The following NRXN1 variants were observed in gnomAD, a reference collection of about 807,000 sequenced individuals.
NRXN1 encodes the protein neurexin-1.
A neutral mutation model predicts 150.9 loss-of-function variants in NRXN1; 39 were observed. The ratio of observed to expected loss-of-function variants is 0.26; its 90% CI spans 0.20 to 0.34. The LOEUF (loss-of-function observed/expected upper bound fraction) is 0.34, where lower values mean the gene tolerates loss of function less well. NRXN1 is among the 10% of genes least tolerant of loss of function. NRXN1 has a pLI of 1.00. For synonymous variants in NRXN1, 924 were observed against 757.0 expected (o/e 1.22, Z -3.62); for missense variants, 1,815 against 1,949.9 (o/e 0.93, Z 1.30).
At chr2:50,239,900 A>G (rs1243981368) in intron 17 of NRXN1, among the ~76,000 whole-genome samples, 2 of 150,798 alleles carry the variant, frequency 1.3e-5, no homozygotes, top group African/African-American at 4.8e-5. Context: ...AGAGAAAAAT[A>G]ACATCTAAAT....
intron 5 of NRXN1, among the ~76,000 whole-genome samples, chr2:50,865,502 G>T (rs1437389387): frequency 6.6e-6 from 1 of 150,852 alleles, no homozygotes; most frequent in Non-Finnish European, 1.5e-5. Flanking sequence ...TCTGGTCCAG[G>T]TCTCTCTGGT....
chr2:50,984,118 C>T (rs910407143), intron 2 of NRXN1, among the ~76,000 whole-genome samples: 2 of 148,208 alleles, frequency 1.3e-5, no homozygotes, highest in Non-Finnish European at 3.0e-5. Context: ...CAGGTGCTCA[C>T]TGCCACGCCA....
intron 17 of NRXN1, among the ~76,000 whole-genome samples, chr2:50,244,774 T>C (rs567655480): frequency 1.3e-5 from 2 of 151,788 alleles, no homozygotes; most frequent in African/African-American, 4.8e-5. Flanking sequence ...TTTCTAACCA[T>C]AAAGAAATGA....
At chr2:50,556,255 G>C (rs886453072) in intron 8 of NRXN1, among the ~76,000 whole-genome samples, 5 of 152,110 alleles carry the variant, frequency 3.3e-5, no homozygotes, top group Admixed American at 2.0e-4. Flanking sequence ...TGAGTAGCTA[G>C]TAAGTATTCT....
At chr2:50,621,340 G>T in intron 6 of NRXN1, 91 bp from the exon 7 acceptor site, 2 of 992,806 alleles carry the variant, frequency 2.0e-6, no homozygotes, top group Non-Finnish European at 3.0e-6. Flanking sequence ...TACCATGTTA[G>T]TACATTTTTT....
intron 5 of NRXN1, among the ~76,000 whole-genome samples, chr2:50,859,536 C>CT (rs1372108517): frequency 6.7e-6 from 1 of 150,292 alleles, no homozygotes; most frequent in Non-Finnish European, 1.5e-5. Context: ...TCTCCTAAGT[C>CT]TTTTTTGAGG....
chr2:50,679,140 G>C (rs548719681), intron 5 of NRXN1, among the ~76,000 whole-genome samples: 1 of 152,008 alleles, frequency 6.6e-6, no homozygotes, highest in Admixed American at 6.6e-5. Flanking sequence ...ACTGTCAGAA[G>C]AGTATGTGGA....
intron 5 of NRXN1, among the ~76,000 whole-genome samples, chr2:50,790,878 T>C (rs1388408789): frequency 6.6e-6 from 1 of 152,114 alleles, no homozygotes; most frequent in Non-Finnish European, 1.5e-5. Context: ...CTCATCACAT[T>C]AGGTCAAGTG....
At chr2:51,026,364 C>T in intron 2 of NRXN1, 1 of 1,559,956 alleles carries the variant, frequency 6.4e-7, no homozygotes, top group Non-Finnish European at 8.8e-7. Flanking sequence ...TCACACCACT[C>T]ACTCACTTTC....
chr2:49,998,668 C>A (rs771284609), intron 21 of NRXN1, among the ~76,000 whole-genome samples: 5 of 152,132 alleles, frequency 3.3e-5, no homozygotes, highest in Non-Finnish European at 7.3e-5. Context: ...ATAATTTAAC[C>A]TTTTTAAAAA....
At position 50,512,998 on chromosome 2, in the gene NRXN1, T is replaced by C. The variant is rs115746879; in HGVS notation, c.2375-6381A>G. 9.0e-3 allele frequency among the ~76,000 whole-genome samples: 1,377 copies of C among 152,272 alleles called. 14 individuals are homozygous for C. The highest frequency in any genetic ancestry group is 0.032 in the African/African-American group (1,335 of 41,560). Reference sequence around the variant, plus strand: ...AAAGCTTGAACTTGGTTGAGAGTTATATAAACTTGGATTTGAAAGCAGGTA... The same window carrying C: ...AAAGCTTGAACTTGGTTGAGAGTTACATAAACTTGGATTTGAAAGCAGGTA... On this transcript the variant is annotated intron_variant, in intron 12 of 22. Coordinates refer to ENST00000401669, the MANE Select transcript of NRXN1 (RefSeq NM_001330078.2).
chr2:50,828,683 G>A (rs1429607921), intron 5 of NRXN1, among the ~76,000 whole-genome samples: 1 of 151,826 alleles, frequency 6.6e-6, no homozygotes, highest in Non-Finnish European at 1.5e-5. Flanking sequence ...CGGCCGGGAA[G>A]AGGTGCTCCT....
intron 2 of NRXN1, among the ~76,000 whole-genome samples, chr2:51,015,525 C>G (rs1043497257): frequency 6.6e-6 from 1 of 151,922 alleles, no homozygotes; most frequent in Non-Finnish European, 1.5e-5. Flanking sequence ...TGAACAGCTC[C>G]CAGCTAACAG....
chr2:50,189,971 A>C (rs1256270622), intron 18 of NRXN1, among the ~76,000 whole-genome samples: 1 of 152,198 alleles, frequency 6.6e-6, no homozygotes. Context: ...ATATACAATC[A>C]TCTTGAATGA....
chr2:50,186,617 T>A (rs2061089251), intron 18 of NRXN1, among the ~76,000 whole-genome samples: 1 of 152,008 alleles, frequency 6.6e-6, no homozygotes, highest in South Asian at 2.1e-4. Flanking sequence ...TTGGCCAGGT[T>A]CCTTGTAATC....
In NRXN1 at chr2:50,236,831, C is replaced by A. The variant is rs1222516367; in HGVS notation, c.3504G>T (p.Val1168=). The A allele has an allele frequency of 6.2e-7, 1 of 1,613,226 alleles. No individual in the cohort carries two copies. The highest frequency in any genetic ancestry group is 2.2e-5 in the East Asian group (1 of 44,726). ...TVQKEAVLVR[V]DSSSGLGDYL... is the part of the protein sequence containing the mutation. ...AGTCACCCAAGCCTGAAGAACTGTCCACTCGCACCAATACGGCTTCTTTCT... is the reference window on the plus strand; with the variant it reads ...AGTCACCCAAGCCTGAAGAACTGTCAACTCGCACCAATACGGCTTCTTTCT... Residue 1168 remains valine (V), a synonymous_variant, in exon 18 of 23, where the codon GTG becomes GTT. Transcript: ENST00000401669.
At chr2:50,996,677 A>G (rs1024767539) in intron 2 of NRXN1, among the ~76,000 whole-genome samples, 2 of 152,004 alleles carry the variant, frequency 1.3e-5, no homozygotes, top group African/African-American at 2.4e-5. Flanking sequence ...AAACCTCCAT[A>G]TTACATAAAT....
chr2:50,324,846 T>C (rs946612707), intron 17 of NRXN1, among the ~76,000 whole-genome samples: 2 of 152,256 alleles, frequency 1.3e-5, no homozygotes, highest in Non-Finnish European at 2.9e-5. Flanking sequence ...CATTCTTTCC[T>C]TAATTGGAAC....
chr2:50,288,973 G>A lies in NRXN1; in HGVS notation c.3365-52003C>T, dbSNP rs535778772. Among the ~76,000 whole-genome samples the A allele has an allele frequency of 2.6e-4, 40 of 151,182 alleles. 1 individual carries two copies. The highest frequency in any genetic ancestry group is 1.9e-3 in the Admixed American group (29 of 14,998). On this transcript the variant is annotated intron_variant, in intron 17 of 22. Transcript: ENST00000401669. The stretch of plus-strand genomic sequence containing the variant: ...CATAGACAGGATACAACAATTGAGC[G>A]GCTATAAGAGAAGCTCGTAAGAAAG...
Sources: allele counts gnomAD v4.1 joint callset (sites outside exome capture counted in the v4.1 genomes callset), GRCh38; gene constraint gnomAD v4.1.1; transcripts MANE v1.5; gene names NCBI Gene and HGNC (gene_info 2026-07-23, HGNC 2026-07-21).